The following LRRC53 variants were observed in gnomAD, a reference collection of about 807,000 sequenced individuals.
The protein encoded by LRRC53 is leucine rich repeat containing 53, also known as leucine-rich repeat-containing protein 53.
LRRC53 carries 25 observed loss-of-function variants against 13.6 expected under a neutral mutation model. The ratio of observed to expected loss-of-function variants is 1.83; its 90% CI spans 1.34 to 2.56. The LOEUF (loss-of-function observed/expected upper bound fraction) is 2.56. LRRC53 is among the 30% of genes most tolerant of loss of function. The probability of loss-of-function intolerance (pLI) is 0.00; values close to 1 mark genes in which losing one functional copy is unlikely to be tolerated. For synonymous variants in LRRC53, 204 were observed against 109.8 expected, an observed-to-expected ratio of 1.86 and a Z score of -5.37; for missense variants, 527 against 275.8, an observed-to-expected ratio of 1.91 and a Z score of -6.45.
intron 1 of LRRC53, among the ~76,000 whole-genome samples, chr1:74,511,382 A>G (rs546529731): frequency 2.2e-4 from 33 of 152,152 alleles, no homozygotes; most frequent in African/African-American, 7.9e-4. Context: ...TAGTAGAGAT[A>G]GGGTTTTGCC....
At chr1:74,511,222 C>T (rs1249391645) in intron 1 of LRRC53, among the ~76,000 whole-genome samples, 2 of 148,642 alleles carry the variant, frequency 1.3e-5, no homozygotes, top group Admixed American at 6.7e-5. Flanking sequence ...GATGGAATTT[C>T]GCTCTTATTG....
chr1:74,506,557 G>A (rs1669911889), intron 1 of LRRC53, among the ~76,000 whole-genome samples: 1 of 152,200 alleles, frequency 6.6e-6, no homozygotes, highest in South Asian at 2.1e-4. Flanking sequence ...CATCTATAAT[G>A]AGGCATTTGA....
intron 1 of LRRC53, among the ~76,000 whole-genome samples, chr1:74,488,583 T>A (rs1334893953): frequency 6.6e-6 from 1 of 152,206 alleles, no homozygotes; most frequent in Non-Finnish European, 1.5e-5. Context: ...CCCTTGCAAC[T>A]GGAACAAAGC....
chr1:74,500,072 A>G (rs1669531022), intron 1 of LRRC53, among the ~76,000 whole-genome samples: 1 of 151,804 alleles, frequency 6.6e-6, no homozygotes, highest in Non-Finnish European at 1.5e-5. Flanking sequence ...ATAACTAATT[A>G]TATTTTTAAT....
chr1:74,500,446 A>T (rs1217072187), intron 1 of LRRC53, among the ~76,000 whole-genome samples: 6 of 151,658 alleles, frequency 4.0e-5, no homozygotes, highest in Admixed American at 6.6e-5. Flanking sequence ...TACTAAAAAT[A>T]CAAAAAAATT....
the LRRC53 span, among the ~76,000 whole-genome samples, chr1:74,535,463 G>A: frequency 2.0e-5 from 3 of 151,990 alleles, no homozygotes; most frequent in African/African-American, 7.2e-5. Context: ...GAGAGGGACC[G>A]TGTCTCAAAT....
intron 1 of LRRC53, among the ~76,000 whole-genome samples, chr1:74,509,411 C>T (rs542486546): frequency 4.1e-4 from 62 of 152,252 alleles, no homozygotes; most frequent in African/African-American, 1.4e-3. Context: ...TAGAGTACTA[C>T]ATAACAATAG....
At chr1:74,518,098 A>G in the LRRC53 span, among the ~76,000 whole-genome samples, 9,071 of 152,242 alleles carry the variant, frequency 0.06, 512 homozygotes, top group African/African-American at 0.15. Flanking sequence ...TAGAGGACAG[A>G]TGGTGGACCA....
intron 1 of LRRC53, among the ~76,000 whole-genome samples, chr1:74,490,240 A>G (rs191630228): frequency 6.6e-6 from 1 of 152,160 alleles, no homozygotes; most frequent in South Asian, 2.1e-4. Context: ...CCCTTCTCTT[A>G]TTCAGTACTG....
intron 1 of LRRC53, among the ~76,000 whole-genome samples, chr1:74,502,130 G>T (rs1245669855): frequency 6.6e-6 from 1 of 152,104 alleles, no homozygotes. Flanking sequence ...GAGTCAGTAT[G>T]AGAACTTCAT....
At chr1:74,479,663 C>T (rs1031518134) in intron 3 of LRRC53, among the ~76,000 whole-genome samples, 6 of 152,150 alleles carry the variant, frequency 3.9e-5, no homozygotes, top group Admixed American at 2.0e-4. Flanking sequence ...AGCATCTCTT[C>T]GTCCATCTGT....
Position 74,480,976 on chromosome 1 carries a change from G to GAAAAAAAAAAA in LRRC53, c.89-9_89-8insTTTTTTTTTTT. ...TCGTGGTCATAGGGGCTGCTGTGGG[G>GAAAAAAAAAAA]AAAAAAGCACAGACTAGATGCAGGG... On this transcript the variant is annotated splice_polypyrimidine_tract_variant and intron_variant, in intron 2 of 4. Coordinates refer to ENST00000294635, the MANE Select transcript of LRRC53 (RefSeq NM_001382280.1). 1.4e-6 allele frequency: 1 copy of GAAAAAAAAAAA among 699,322 alleles called. No individual in the cohort carries two copies. The highest frequency in any genetic ancestry group is 2.7e-6 in the Non-Finnish European group (1 of 376,690). The allele number at this position is 699,322 out of a possible 1,614,324, so 43.3% of individuals were successfully genotyped here.
intron 1 of LRRC53, among the ~76,000 whole-genome samples, chr1:74,498,527 G>C (rs913778074): frequency 1.3e-5 from 2 of 151,930 alleles, no homozygotes; most frequent in Non-Finnish European, 2.9e-5. Flanking sequence ...ATTGCATGTG[G>C]TGAATATTAA....
At chr1:74,515,068 A>C (rs1646329899), upstream of LRRC53, among the ~76,000 whole-genome samples, 1 of 152,210 alleles carries the variant, frequency 6.6e-6, no homozygotes, top group South Asian at 2.1e-4. Context: ...GGACATGGGC[A>C]CAGAATTTTC....
At chr1:74,510,612 G>A (rs920506103) in intron 1 of LRRC53, among the ~76,000 whole-genome samples, 2 of 152,144 alleles carry the variant, frequency 1.3e-5, no homozygotes, top group Non-Finnish European at 1.5e-5. Context: ...TCTATAATTT[G>A]TTCAAAACTA....
At chr1:74,490,380 C>A (rs1049384175) in intron 1 of LRRC53, among the ~76,000 whole-genome samples, 8 of 152,264 alleles carry the variant, frequency 5.3e-5, no homozygotes, top group Non-Finnish European at 1.0e-4. Context: ...AAAATATCCT[C>A]TCATTTTGAA....
intron 1 of LRRC53, among the ~76,000 whole-genome samples, chr1:74,509,758 T>C (rs1208730677): frequency 2.3e-5 from 3 of 132,172 alleles, no homozygotes; most frequent in Non-Finnish European, 3.2e-5. Context: ...TTTTTTTTTT[T>C]TTTTTTTTTT....
At chr1:74,530,784 A>G in the LRRC53 span, among the ~76,000 whole-genome samples, 6 of 150,334 alleles carry the variant, frequency 4.0e-5, no homozygotes, top group South Asian at 8.4e-4. Flanking sequence ...AGATTTTGCT[A>G]TAGAGTATGT....
chr1:74,507,255 A>G (rs997646897), intron 1 of LRRC53, among the ~76,000 whole-genome samples: 2 of 136,658 alleles, frequency 1.5e-5, no homozygotes, highest in Admixed American at 7.9e-5. Flanking sequence ...ACAAAAATAC[A>G]TAAAGGATTC....
Sources: allele counts gnomAD v4.1 joint callset (sites outside exome capture counted in the v4.1 genomes callset), GRCh38; gene constraint gnomAD v4.1.1; transcripts MANE v1.5; gene names NCBI Gene and HGNC (gene_info 2026-07-23, HGNC 2026-07-21).